The following WDR59 variants were observed in gnomAD, a reference collection of about 807,000 sequenced individuals.
WDR59 encodes the protein GATOR2 complex protein WDR59.
In WDR59, 100 loss-of-function variants were observed where a neutral mutation model predicts 131.2. The observed-to-expected ratio is 0.76, with a 90% confidence interval of 0.65 to 0.90. WDR59 has a LOEUF of 0.90. WDR59 is among the 40% of genes least tolerant of loss of function. The pLI is 0.00. For synonymous variants in WDR59, 601 were observed against 466.2 expected, an observed-to-expected ratio of 1.29 and a Z score of -3.72; for missense variants, 1,203 against 1,262.2, an observed-to-expected ratio of 0.95 and a Z score of 0.71.
chr16:74,891,421 T>A (rs1295404530), intron 20 of WDR59, among the ~76,000 whole-genome samples: 2 of 152,216 alleles, frequency 1.3e-5, no homozygotes, highest in Non-Finnish European at 2.9e-5. Flanking sequence ...TTCATCTCTA[T>A]AATCAATAAC....
chr16:74,915,623 C>A (rs1236226795), intron 13 of WDR59: 2 of 335,640 alleles, frequency 6.0e-6, no homozygotes, highest in Non-Finnish European at 1.1e-5. Flanking sequence ...ACCATGTTGG[C>A]CAGGCTGGTC....
intron 20 of WDR59, among the ~76,000 whole-genome samples, chr16:74,890,181 C>T (rs1291575709): frequency 2.0e-5 from 3 of 152,174 alleles, no homozygotes; most frequent in African/African-American, 4.8e-5. Flanking sequence ...GACAGAGTCT[C>T]GCTCTGTCGC....
At chr16:74,930,152 C>G (rs1232966725) in intron 8 of WDR59, among the ~76,000 whole-genome samples, 2 of 151,918 alleles carry the variant, frequency 1.3e-5, no homozygotes, top group Admixed American at 6.6e-5. Context: ...TGATTATAGT[C>G]AGTAATAATT....
At chr16:74,912,390 T>C (rs369832682) in intron 13 of WDR59, 28 bp from the exon 14 acceptor site, 1 of 1,600,272 alleles carries the variant, frequency 6.2e-7, no homozygotes, top group Non-Finnish European at 8.5e-7. Context: ...ACAATTGCTG[T>C]AGAAACAAAC....
chr16:74,981,086 C>T (rs374933781), intron 1 of WDR59, among the ~76,000 whole-genome samples: 14 of 151,620 alleles, frequency 9.2e-5, no homozygotes, highest in African/African-American at 2.7e-4. Flanking sequence ...CACAAAAAGG[C>T]CGGGTGCGGT....
At chr16:74,978,626 G>C (rs1384597704) in intron 1 of WDR59, among the ~76,000 whole-genome samples, 1 of 152,180 alleles carries the variant, frequency 6.6e-6, no homozygotes, top group Non-Finnish European at 1.5e-5. Context: ...GAGTACACAG[G>C]GGGACCAAGG....
At chr16:74,899,641 T>C in intron 18 of WDR59, 1 of 1,260,878 alleles carries the variant, frequency 7.9e-7, no homozygotes, top group Admixed American at 2.4e-5. Flanking sequence ...ATTTTATTCT[T>C]GGGCCTCGGG....
intron 18 of WDR59, among the ~76,000 whole-genome samples, chr16:74,894,390 G>A (rs1040336461): frequency 6.6e-6 from 1 of 152,146 alleles, no homozygotes; most frequent in Non-Finnish European, 1.5e-5. Context: ...AAAAATACCT[G>A]ATTCAAGGGG....
intron 1 of WDR59, among the ~76,000 whole-genome samples, chr16:74,974,168 C>T (rs1334976028): frequency 6.6e-6 from 1 of 151,840 alleles, no homozygotes; most frequent in East Asian, 1.9e-4. Context: ...GACTCCATCT[C>T]AAAAACAAAG....
Position 74,886,336 on chromosome 16 carries a change from C to T in WDR59, c.2480G>A (p.Arg827His), listed in dbSNP as rs756355319. 16 of 1,613,844 alleles carry T rather than the reference C, an allele frequency of 9.9e-6. No individual in the cohort carries two copies. In the East Asian group the frequency reaches 1.6e-4, roughly 16 times the overall value. The change falls in exon 24 of 26, where the codon CGC becomes CAC. Residue 827 changes from arginine to histidine, a missense_variant. Coordinates refer to ENST00000262144, the MANE Select transcript of WDR59 (RefSeq NM_030581.4). ...PWGESSPEELRFGSLTYSDPR... is the reference protein window; with the variant it reads ...PWGESSPEELHFGSLTYSDPR... The stretch of plus-strand genomic sequence containing the variant: ...ATCACTGTAGGTCAGACTCCCAAAG[C>T]GGAGCTCTTCTGGTGAGGATTCTCC...
chr16:74,883,934 C>A (rs1964636984), intron 25 of WDR59, among the ~76,000 whole-genome samples: 1 of 152,342 alleles, frequency 6.6e-6, no homozygotes, highest in South Asian at 2.1e-4. Flanking sequence ...CGATATCTCA[C>A]ACACATCACT....
intron 8 of WDR59, among the ~76,000 whole-genome samples, chr16:74,928,378 G>A (rs183310925): frequency 2.0e-5 from 3 of 151,664 alleles, no homozygotes; most frequent in Admixed American, 6.6e-5. Context: ...CACCACATCC[G>A]GCTAATTTTT....
intron 1 of WDR59, among the ~76,000 whole-genome samples, chr16:74,970,705 C>A (rs1218833881): frequency 6.6e-6 from 1 of 152,012 alleles, no homozygotes; most frequent in Non-Finnish European, 1.5e-5. Context: ...TCTCCCAGAG[C>A]ACCCAGCAAG....
intron 17 of WDR59, among the ~76,000 whole-genome samples, chr16:74,906,111 G>A (rs183400039): frequency 4.0e-5 from 6 of 151,638 alleles, no homozygotes; most frequent in Middle Eastern, 3.4e-3. Flanking sequence ...TCAGCAGATC[G>A]AGACCATCCT....
chr16:74,982,071 A>T (rs2034450643), intron 1 of WDR59, among the ~76,000 whole-genome samples: 1 of 147,700 alleles, frequency 6.8e-6, no homozygotes, highest in Non-Finnish European at 1.5e-5. Flanking sequence ...CCTGGGCAAG[A>T]TACAGAGACT....
intron 25 of WDR59, among the ~76,000 whole-genome samples, chr16:74,875,185 A>T (rs1301019667): frequency 6.6e-6 from 1 of 152,154 alleles, no homozygotes; most frequent in East Asian, 1.9e-4. Context: ...AAGTCAGGAC[A>T]CCGGGATGCC....
intron 5 of WDR59, 133 bp from the exon 6 acceptor site, chr16:74,948,689 C>T: frequency 1.3e-6 from 1 of 759,086 alleles, no homozygotes; most frequent in Non-Finnish European, 2.3e-6. Flanking sequence ...GCTGTGAGGG[C>T]CTTAAAAAGA....
At chr16:74,984,479 G>A (rs1043250954) in intron 1 of WDR59, 3 of 184,634 alleles carry the variant, frequency 1.6e-5, no homozygotes, top group Non-Finnish European at 3.5e-5. Flanking sequence ...CCAGTATGAT[G>A]GCATTAAGAA....
chr16:74,962,033 T>C (rs557108833), intron 2 of WDR59, among the ~76,000 whole-genome samples: 1 of 152,228 alleles, frequency 6.6e-6, no homozygotes, highest in Non-Finnish European at 1.5e-5. Flanking sequence ...CCAGCACCAC[T>C]TGTTAAACAG....
Sources: gnomAD v4.1 joint callset for allele counts (sites outside exome capture counted in the v4.1 genomes callset) on GRCh38, gnomAD v4.1.1 for gene constraint, MANE v1.5 for transcripts, NCBI Gene and HGNC (gene_info 2026-07-23, HGNC 2026-07-21) for gene names.